Variants in COPG2 observed in about 807,000 individuals in gnomAD.
COPG2 encodes the protein coatomer subunit gamma-2.
Under a neutral mutation model 46.3 loss-of-function variants are expected in COPG2, and 37 were observed. That is an observed-to-expected ratio of 0.80 (90% CI 0.61 to 1.05). The LOEUF (loss-of-function observed/expected upper bound fraction) is 1.05. Among genes scored for constraint, COPG2 ranks in the 50% least tolerant of loss-of-function variants. COPG2 has a pLI of 0.00. For synonymous variants in COPG2, 159 were observed against 129.7 expected (o/e 1.23, Z -1.53); for missense variants, 427 against 387.8 (o/e 1.10, Z -0.85).
At chr7:130,607,110 G>A (rs1794747646) in intron 9 of COPG2, among the ~76,000 whole-genome samples, 3 of 152,066 alleles carry the variant, frequency 2.0e-5, no homozygotes, top group Admixed American at 2.0e-4. Flanking sequence ...GTGTGGTGGT[G>A]CATCCCTGTA....
intron 9 of COPG2, among the ~76,000 whole-genome samples, chr7:130,591,888 G>A (rs1173365398): frequency 4.6e-5 from 7 of 152,104 alleles, no homozygotes; most frequent in African/African-American, 1.4e-4. Context: ...CCACCACCCC[G>A]TCTGGGAGGT....
At chr7:130,557,746 G>C (rs1215672129) in intron 12 of COPG2, among the ~76,000 whole-genome samples, 2 of 137,858 alleles carry the variant, frequency 1.5e-5, no homozygotes, top group African/African-American at 2.7e-5. Flanking sequence ...ACCTGGGAGG[G>C]GGAGGTTGCA....
chr7:130,603,962 C>A, intron 9 of COPG2: 1 of 431,644 alleles, frequency 2.3e-6, no homozygotes, highest in Non-Finnish European at 4.6e-6. Context: ...ATATTGTATT[C>A]TTACAATAAA....
Position 130,611,043 on chromosome 7 carries a change from T to C in COPG2, c.647A>G (p.Asn216Ser), listed in dbSNP as rs375367353. The C allele has an allele frequency of 2.4e-5, 39 of 1,613,778 alleles. No individual in the cohort carries two copies. The African/African-American group carries it at 4.7e-4, about 19-fold the overall frequency. The change falls in exon 9 of 24, where the codon AAT (asparagine) becomes AGT (serine). Residue 216 changes from asparagine (N) to serine (S), a missense_variant. Asn to Ser is a conservative substitution (Grantham distance 46, BLOSUM62 1). Transcript: ENST00000425248. ...NDRLAVSKML[N>S]KFTKSGLKSQ... ...CTTGAGACCAGATTTAGTAAACTTATTCAACATCTTGGAAACAGCAAGTCG... is the reference window on the plus strand; with the variant it reads ...CTTGAGACCAGATTTAGTAAACTTACTCAACATCTTGGAAACAGCAAGTCG...
At chr7:130,627,843 G>C (rs371687398) in intron 5 of COPG2, among the ~76,000 whole-genome samples, 112 of 152,122 alleles carry the variant, frequency 7.4e-4, no homozygotes, top group African/African-American at 2.6e-3. Flanking sequence ...CTGGCATTTG[G>C]CAGTTTTTCT....
chr7:130,607,552 G>A, intron 9 of COPG2: 1 of 425,394 alleles, frequency 2.4e-6, no homozygotes, highest in Non-Finnish European at 4.6e-6. Flanking sequence ...GTGAGTTGCA[G>A]CTGAATTCTC....
At chr7:130,551,699 A>G (rs1793536205) in intron 15 of COPG2, among the ~76,000 whole-genome samples, 1 of 152,220 alleles carries the variant, frequency 6.6e-6, no homozygotes, top group Non-Finnish European at 1.5e-5. Flanking sequence ...TATACTCTCC[A>G]AGGATACTGA....
intron 4 of COPG2, 121 bp from the exon 5 acceptor site, chr7:130,653,069 T>G (rs1554459351): frequency 1.6e-6 from 1 of 618,218 alleles, no homozygotes; most frequent in African/African-American, 2.1e-5. Flanking sequence ...AAGAGTCTCA[T>G]CTACCAAAAA....
intron 5 of COPG2, among the ~76,000 whole-genome samples, chr7:130,627,466 T>A (rs1212965173): frequency 1.3e-5 from 2 of 152,128 alleles, no homozygotes; most frequent in Non-Finnish European, 2.9e-5. Flanking sequence ...AAGAGCACCA[T>A]CCTATAAAAT....
chr7:130,645,595 A>AT (rs1795580139), intron 5 of COPG2: 1 of 169,100 alleles, frequency 5.9e-6, no homozygotes, highest in South Asian at 1.6e-4. Context: ...ACGCTCACCC[A>AT]TTTTTCCATT....
intron 5 of COPG2, chr7:130,645,198 C>A: frequency 1.5e-6 from 1 of 671,604 alleles, no homozygotes; most frequent in South Asian, 1.4e-5. Flanking sequence ...GAGAGTACCC[C>A]CTTTCCAGAA....
intron 5 of COPG2, among the ~76,000 whole-genome samples, chr7:130,646,626 A>G (rs1795599832): frequency 6.6e-6 from 1 of 152,080 alleles, no homozygotes; most frequent in African/African-American, 2.4e-5. Context: ...CTCCACCGAA[A>G]TCTCATCTCG....
intron 20 of COPG2, among the ~76,000 whole-genome samples, chr7:130,517,072 TAGC>T (rs1799684991): frequency 6.6e-6 from 1 of 151,806 alleles, no homozygotes; most frequent in African/African-American, 2.4e-5. Context: ...ACAGAAGATA[TAGC>T]AGCATGATTC....
chr7:130,572,867 T>G (rs1554445713), intron 9 of COPG2, among the ~76,000 whole-genome samples: 1 of 151,802 alleles, frequency 6.6e-6, no homozygotes, highest in Non-Finnish European at 1.5e-5. Flanking sequence ...CACAGGTTAA[T>G]TGACTAGAAC....
At position 130,550,607 on chromosome 7, in the gene COPG2, TGGTGTAA is replaced by T. The variant is rs1793523444; in HGVS notation, c.1684_1690del (p.Leu562SerfsTer13). 5.0e-6 allele frequency: 2 copies of T among 398,086 alleles called. No individual in the cohort carries two copies. The highest frequency in any genetic ancestry group is 7.1e-5 in the East Asian group (2 of 28,056). 24.7% of individuals were successfully genotyped at this position (398,086 alleles called of 1,614,324 possible). A position where few individuals can be genotyped will look rare whatever the true frequency, so the allele number is the denominator to read the frequency against. ...TTTTTCTGAAGGCTCCAACGTGTAC[TGGTGTAA>T]GGCTTTTTCCATCCCTGGTACAGAG... is the stretch of plus-strand genomic sequence containing the variant. On this transcript the variant is annotated frameshift_variant, in exon 17 of 24. Transcript: ENST00000425248. LOFTEE classifies it high-confidence loss of function.
At chr7:130,661,929 T>C (rs1795988546) in intron 4 of COPG2, among the ~76,000 whole-genome samples, 1 of 152,216 alleles carries the variant, frequency 6.6e-6, no homozygotes, top group South Asian at 2.1e-4. Context: ...CTACAAAGTA[T>C]ATCCTGCAGG....
chr7:130,584,424 C>T (rs1391430581), intron 9 of COPG2, among the ~76,000 whole-genome samples: 2 of 151,958 alleles, frequency 1.3e-5, no homozygotes, highest in Non-Finnish European at 2.9e-5. Flanking sequence ...CCACTCTCAC[C>T]ACGCCTCTTC....
chr7:130,656,116 T>C (rs545827398), intron 4 of COPG2, among the ~76,000 whole-genome samples: 3 of 152,194 alleles, frequency 2.0e-5, no homozygotes, highest in African/African-American at 7.2e-5. Context: ...TGGGTCTATA[T>C]CTACCAGGTC....
chr7:130,601,107 C>A (rs553674546), intron 9 of COPG2, among the ~76,000 whole-genome samples: 1 of 152,288 alleles, frequency 6.6e-6, no homozygotes, highest in Non-Finnish European at 1.5e-5. Flanking sequence ...CAAATCAAAA[C>A]CACAATGAGA....
Sources: allele counts gnomAD v4.1 joint callset (sites outside exome capture counted in the v4.1 genomes callset), GRCh38; gene constraint gnomAD v4.1.1; transcripts MANE v1.5; gene names NCBI Gene and HGNC (gene_info 2026-07-23, HGNC 2026-07-21).